MBTD1: variants seen among roughly 807,000 people sequenced by gnomAD.
MBTD1 encodes MBT domain-containing protein 1.
MBTD1 carries 24 observed loss-of-function variants against 87.8 expected under a neutral mutation model. The ratio of observed to expected loss-of-function variants is 0.27; its 90% confidence interval spans 0.20 to 0.38. The LOEUF (loss-of-function observed/expected upper bound fraction) is 0.38. MBTD1 is among the 10% of genes least tolerant of loss of function. The probability of loss-of-function intolerance (pLI) is 1.00; values close to 1 mark genes in which losing one functional copy is unlikely to be tolerated. For synonymous variants in MBTD1, 237 were observed against 248.6 expected, an observed-to-expected ratio of 0.95 and a Z score of 0.44; for missense variants, 436 against 760.2, an observed-to-expected ratio of 0.57 and a Z score of 5.02.
chr17:51,204,637 G>C (rs553340866), intron 7 of MBTD1, among the ~76,000 whole-genome samples: 17 of 152,022 alleles, frequency 1.1e-4, no homozygotes, highest in African/African-American at 3.6e-4. Context: ...TGAGTAGCTG[G>C]GATTACAGGC....
intron 6 of MBTD1, among the ~76,000 whole-genome samples, chr17:51,212,357 C>CAAA (rs60857354): frequency 0.02 from 2,696 of 135,816 alleles, 46 homozygotes; most frequent in Non-Finnish European, 0.033. Flanking sequence ...GACTCCGCCT[C>CAAA]AAAAAAAAAA....
intron 15 of MBTD1, 137 bp from the exon 16 acceptor site, chr17:51,192,417 T>C (rs1188712929): frequency 6.0e-6 from 4 of 665,746 alleles, no homozygotes; most frequent in African/African-American, 3.6e-5. Flanking sequence ...AAAATAAGGG[T>C]ACTTGTTCCT....
At chr17:51,256,511 A>G (rs1278615885) in intron 2 of MBTD1, 3 of 152,178 alleles carry the variant, frequency 2.0e-5, no homozygotes, top group Non-Finnish European at 4.4e-5. Flanking sequence ...GACCTACTAA[A>G]TAAGTTATAG....
intron 1 of MBTD1, among the ~76,000 whole-genome samples, chr17:51,259,444 T>C (rs900308561): frequency 1.3e-5 from 2 of 150,814 alleles, no homozygotes; most frequent in Non-Finnish European, 3.0e-5. Context: ...GAAACTGTGC[T>C]CCCCCTCCCC....
upstream of MBTD1, chr17:51,260,776 G>T (rs372766030): frequency 3.9e-4 from 617 of 1,578,558 alleles, no homozygotes; most frequent in Non-Finnish European, 5.1e-4. Context: ...TTGCAGTCGC[G>T]GCGGCGGAGG....
At chr17:51,252,182 T>C (rs2054825567) in intron 2 of MBTD1, among the ~76,000 whole-genome samples, 1 of 152,224 alleles carries the variant, frequency 6.6e-6, no homozygotes, top group Non-Finnish European at 1.5e-5. Flanking sequence ...TTAAACCTTA[T>C]GAGTGTCACT....
intron 14 of MBTD1, 131 bp downstream of exon 14, chr17:51,193,297 T>C (rs2050900371): frequency 6.2e-6 from 4 of 646,198 alleles, no homozygotes; most frequent in Middle Eastern, 4.3e-4. Context: ...TATTGTTTCA[T>C]TGCTATATTT....
At chr17:51,221,709 T>C (rs2052902340) in intron 3 of MBTD1, among the ~76,000 whole-genome samples, 1 of 152,238 alleles carries the variant, frequency 6.6e-6, no homozygotes, top group African/African-American at 2.4e-5. Context: ...AACAGTATAG[T>C]ATTAACAATT....
chr17:51,193,898 G>A (rs1296911928), intron 13 of MBTD1, among the ~76,000 whole-genome samples: 2 of 152,086 alleles, frequency 1.3e-5, no homozygotes, highest in Non-Finnish European at 1.5e-5. Flanking sequence ...TGGGATTATT[G>A]GCGTGAGCCA....
chr17:51,187,645 T>C (rs551749411), intron 16 of MBTD1, among the ~76,000 whole-genome samples: 1 of 150,794 alleles, frequency 6.6e-6, no homozygotes, highest in African/African-American at 2.4e-5. Flanking sequence ...AGGTCAGGAG[T>C]TCAAGACCAG....
rs1306667568 is a variant in MBTD1, at chr17:51,178,708, T to A, written c.*1868A>T. Reference sequence around the variant, plus strand: ...AAGTGTGAGGATGTCACATTTACAGTAGGTCCCTCTCAGCAATGTTAAGAT... The same window carrying A: ...AAGTGTGAGGATGTCACATTTACAGAAGGTCCCTCTCAGCAATGTTAAGAT... On this transcript the variant is annotated 3_prime_UTR_variant, in exon 17 of 17. Coordinates refer to ENST00000586178, the MANE Select transcript of MBTD1 (RefSeq NM_017643.3). 1 of 152,188 alleles carries A rather than the reference T, an allele frequency of 6.6e-6. No homozygotes were observed. Among genetic ancestry groups the A allele is most frequent in the Non-Finnish European group, 1.5e-5 (1 of 68,040 alleles). The allele number at this position is 152,188 out of a possible 1,614,324, so 9.4% of individuals were successfully genotyped here. A position where few individuals can be genotyped will look rare whatever the true frequency, so the allele number is the denominator to read the frequency against.
At chr17:51,237,295 C>CAAAAAAAA (rs368805446) in intron 2 of MBTD1, among the ~76,000 whole-genome samples, 7 of 60,384 alleles carry the variant, frequency 1.2e-4, no homozygotes, top group African/African-American at 2.2e-4. Context: ...GACTCCATCT[C>CAAAAAAAA]AAAAAAAAAA....
intron 1 of MBTD1, 62 bp downstream of exon 1, chr17:51,259,773 C>T (rs2055357640): frequency 4.1e-6 from 5 of 1,230,224 alleles, no homozygotes; most frequent in Admixed American, 4.2e-5. Flanking sequence ...TTCCTGGGGT[C>T]GGAGAGCTGC....
At position 51,217,660 on chromosome 17, in the gene MBTD1, GTGCAGTGGCATGATCT is replaced by G. The variant is rs1305652738; in HGVS notation, c.404-260_404-245del. Among the ~76,000 whole-genome samples, 9 of 152,284 alleles carry G rather than the reference GTGCAGTGGCATGATCT, an allele frequency of 5.9e-5. 1 individual carries two copies. The South Asian group carries it at 1.5e-3, about 25-fold the overall frequency. On this transcript the variant is annotated intron_variant, in intron 5 of 16. Transcript: ENST00000586178. ...GTCTCCCTCTGACACCTAGGCTGGAGTGCAGTGGCATGATCTTGGCTCACTGGAACTTCTGCTTCCC... is the reference window on the plus strand; with the variant it reads ...GTCTCCCTCTGACACCTAGGCTGGAGTGGCTCACTGGAACTTCTGCTTCCC...
chr17:51,207,060 A>G, intron 6 of MBTD1, 55 bp from the exon 7 acceptor site: 1 of 920,988 alleles, frequency 1.1e-6, no homozygotes, highest in Non-Finnish European at 1.7e-6. Context: ...CCTAAAACAT[A>G]TCAATGAAAA....
intron 12 of MBTD1, among the ~76,000 whole-genome samples, chr17:51,197,018 T>C (rs561958639): frequency 1.2e-4 from 12 of 104,000 alleles, no homozygotes; most frequent in African/African-American, 4.8e-4. Context: ...GATTTTTGTC[T>C]TTATCTATTA....
chr17:51,200,254 C>T (rs1388457136), intron 12 of MBTD1, among the ~76,000 whole-genome samples: 3 of 152,048 alleles, frequency 2.0e-5, no homozygotes, highest in Non-Finnish European at 4.4e-5. Flanking sequence ...TGATATTCAC[C>T]TGAGACCTTA....
chr17:51,189,867 G>A (rs1010949335), intron 16 of MBTD1, among the ~76,000 whole-genome samples: 22 of 152,100 alleles, frequency 1.4e-4, no homozygotes, highest in Non-Finnish European at 1.5e-5. Context: ...CTTTCATCAG[G>A]CTGGTTTGGC....
At chr17:51,190,397 G>A (rs1233016184) in intron 16 of MBTD1, among the ~76,000 whole-genome samples, 2 of 151,812 alleles carry the variant, frequency 1.3e-5, no homozygotes, top group South Asian at 2.1e-4. Flanking sequence ...ATGAGCCACC[G>A]CGTCCAGTCC....
Sources: allele counts gnomAD v4.1 joint callset (sites outside exome capture counted in the v4.1 genomes callset), GRCh38; gene constraint gnomAD v4.1.1; transcripts MANE v1.5; gene names NCBI Gene and HGNC (gene_info 2026-07-23, HGNC 2026-07-21).